Variants in SLC26A9 observed in about 807,000 individuals in gnomAD.
The protein encoded by SLC26A9 is anion transporter/exchanger protein 9.
SLC26A9 carries 46 observed loss-of-function variants against 87.1 expected under a neutral mutation model. The ratio of observed to expected loss-of-function variants is 0.53; its 90% confidence interval spans 0.42 to 0.67. The LOEUF is 0.67. Ranked by LOEUF, SLC26A9 falls within the 30% of genes least tolerant of loss-of-function variation. The probability of loss-of-function intolerance (pLI) is 0.00; values close to 1 mark genes in which losing one functional copy is unlikely to be tolerated. For missense variants in SLC26A9, 927 were observed against 1,018.3 expected (o/e 0.91, Z 1.22); for synonymous variants, 437 against 409.1 (o/e 1.07, Z -0.82).
chr1:205,917,973 T>G (rs151154019), intron 19 of SLC26A9, among the ~76,000 whole-genome samples: 1 of 152,330 alleles, frequency 6.6e-6, no homozygotes, highest in Non-Finnish European at 1.5e-5. Flanking sequence ...CCCCAGGGTT[T>G]CCCTCTAGGC....
At chr1:205,938,439 C>T (rs1022691982) in intron 1 of SLC26A9, among the ~76,000 whole-genome samples, 5 of 152,114 alleles carry the variant, frequency 3.3e-5, no homozygotes, top group Non-Finnish European at 7.4e-5. Context: ...CTCCCTGCTC[C>T]GAAACCTCTA....
rs749411664 is a variant in SLC26A9 at position 205,927,859 on chromosome 1, T to C, written c.1101+43A>G. The C allele has an allele frequency of 9.4e-6, 15 of 1,597,794 alleles. No individual in the cohort carries two copies. The South Asian group carries it at 1.3e-4, about 14-fold the overall frequency. ...CAAGATATGTCATGCCAGGCCTGAG[T>C]TGACCTGTCCTGCCCAGTCCTGCCG... On this transcript the variant is annotated intron_variant, in intron 9 of 20. Coordinates refer to ENST00000367135, the MANE Select transcript of SLC26A9 (RefSeq NM_052934.4).
At chr1:205,915,545 T>TGCGA in intron 20 of SLC26A9, 141 bp from the exon 21 acceptor site, 6 of 833,424 alleles carry the variant, frequency 7.2e-6, no homozygotes, top group African/African-American at 6.4e-5. Flanking sequence ...TGTGTGTGTG[T>TGCGA]GTGCGAGAGT....
At chr1:205,935,635 G>T in intron 2 of SLC26A9, 61 bp downstream of exon 2, 1 of 1,606,680 alleles carries the variant, frequency 6.2e-7, no homozygotes, top group South Asian at 1.1e-5. Context: ...CCGTGTCCTG[G>T]TGCAGAAAGG....
chr1:205,918,261 C>A (rs12757540), intron 19 of SLC26A9, among the ~76,000 whole-genome samples: 19,849 of 152,072 alleles, frequency 0.13, 1,530 homozygotes, highest in African/African-American at 0.19. Flanking sequence ...AGGAGGTAGG[C>A]TTTTTCTGAC....
chr1:205,935,725 T>C lies in SLC26A9; in HGVS notation c.96A>G (p.Pro32=). 1 of 1,614,068 alleles carries C rather than the reference T, an allele frequency of 6.2e-7. No homozygotes were observed. The highest frequency in any genetic ancestry group is 8.5e-7 in the Non-Finnish European group (1 of 1,179,952). The change falls in exon 2 of 21, where the codon CCA becomes CCG. Residue 32 remains proline, a synonymous_variant. Coordinates refer to ENST00000367135, the MANE Select transcript of SLC26A9 (RefSeq NM_052934.4). The part of the protein sequence containing the change: ...DEFEKKDRTY[P]VGEKLRNAFR... The stretch of plus-strand genomic sequence containing the variant: ...AGGCATTGCGAAGTTTCTCTCCCAC[T>C]GGGTATGTCCGGTCCTTCTTCTCAA...
At position 205,929,918 on chromosome 1, in the gene SLC26A9, A is replaced by G; in HGVS notation, c.691T>C (p.Tyr231His). 1 of 1,610,554 alleles carries G rather than the reference A, an allele frequency of 6.2e-7. No homozygotes were observed. Among genetic ancestry groups the G allele is most frequent in the South Asian group, 1.1e-5 (1 of 90,978 alleles). The stretch of plus-strand genomic sequence containing the variant: ...AAGACGATGGACCCTGGGCCTGTGT[A>G]GGAGGGGATGGTCAGTCCGAAGATG... ...KYIFGLTIPS[Y>H]TGPGSIVFTF... Residue 231 changes from tyrosine to histidine, a missense_variant, in exon 6 of 21, where the codon TAC becomes CAC. Coordinates refer to ENST00000367135, the MANE Select transcript of SLC26A9 (RefSeq NM_052934.4).
At chr1:205,921,488 G>A (rs1658824916) in intron 17 of SLC26A9, 78 bp downstream of exon 17, 1 of 1,497,086 alleles carries the variant, frequency 6.7e-7, no homozygotes, top group African/African-American at 1.4e-5. Flanking sequence ...CTGAAATGAG[G>A]GCTCCCAGGA....
chr1:205,934,953 G>C (rs2102599227), intron 2 of SLC26A9, among the ~76,000 whole-genome samples: 1 of 152,342 alleles, frequency 6.6e-6, no homozygotes, highest in South Asian at 2.1e-4. Context: ...CCTCAATCCA[G>C]GTAACTGAAT....
rs1558116630 is a variant in SLC26A9 at position 205,915,160 on chromosome 1, C to G, written c.*197G>C. 1.2e-6 allele frequency: 2 copies of G among 1,612,668 alleles called. No individual in the cohort carries two copies. Among genetic ancestry groups the G allele is most frequent in the African/African-American group, 1.3e-5 (1 of 74,992 alleles). ...ACTCTCACTCCTGTAAGGGTAGCACCCCCCTGCTGCTGAGAGGCTCTCTCT... is the reference window on the plus strand; with the variant it reads ...ACTCTCACTCCTGTAAGGGTAGCACGCCCCTGCTGCTGAGAGGCTCTCTCT... On this transcript the variant is annotated 3_prime_UTR_variant, in exon 21 of 21. Coordinates refer to ENST00000367135, the MANE Select transcript of SLC26A9 (RefSeq NM_052934.4).
intron 18 of SLC26A9, 45 bp downstream of exon 18, chr1:205,920,131 A>T (rs1180720164): frequency 1.2e-6 from 2 of 1,610,530 alleles, no homozygotes; most frequent in African/African-American, 2.7e-5. Flanking sequence ...CCTACCCCAC[A>T]CTCCTTGCCA....
rs140700535 is a variant in SLC26A9 at position 205,915,061 on chromosome 1, G to C, written c.*296C>G. On this transcript the variant is annotated 3_prime_UTR_variant, in exon 21 of 21. Coordinates refer to ENST00000367135, the MANE Select transcript of SLC26A9 (RefSeq NM_052934.4). ...TTCAGCTGCCAAGGACAGGGCAGAGGTGGGTGGGGTGGAGTGAGCAGGAGG... is the reference window on the plus strand; with the variant it reads ...TTCAGCTGCCAAGGACAGGGCAGAGCTGGGTGGGGTGGAGTGAGCAGGAGG... The C allele has an allele frequency of 3.1e-6, 5 of 1,614,086 alleles. No homozygotes were observed. The African/African-American group carries it at 5.3e-5, about 17-fold the overall frequency.
chr1:205,934,008 C>T (rs1231871161), intron 2 of SLC26A9, among the ~76,000 whole-genome samples: 1 of 152,160 alleles, frequency 6.6e-6, no homozygotes, highest in Admixed American at 6.5e-5. Flanking sequence ...AACTCAAATA[C>T]TTAGGGCCCA....
chr1:205,932,152 G>A (rs542974998), intron 4 of SLC26A9, 117 bp from the exon 5 acceptor site: 2 of 1,219,486 alleles, frequency 1.6e-6, no homozygotes, highest in Non-Finnish European at 2.3e-6. Flanking sequence ...CACCTCCAAG[G>A]CTCTTCTCCA....
chr1:205,931,321 G>A (rs1659293895), intron 5 of SLC26A9, among the ~76,000 whole-genome samples: 1 of 152,126 alleles, frequency 6.6e-6, no homozygotes, highest in African/African-American at 2.4e-5. Flanking sequence ...TCTTTTACAG[G>A]TTTAAAGCTC....
chr1:205,915,480 A>G, intron 20 of SLC26A9, 76 bp from the exon 21 acceptor site: 1 of 1,600,814 alleles, frequency 6.2e-7, no homozygotes, highest in Non-Finnish European at 8.5e-7. Flanking sequence ...GCTGCAACCA[A>G]GAGGTGACCC....
chr1:205,929,505 C>G, intron 6 of SLC26A9, 149 bp from the exon 7 acceptor site: 1 of 1,235,954 alleles, frequency 8.1e-7, no homozygotes. Flanking sequence ...AACCCTGTCC[C>G]GTCGCCCACC....
At chr1:205,931,467 T>TTTTTTTTTTTTTTTTG in intron 5 of SLC26A9, among the ~76,000 whole-genome samples, 1 of 41,802 alleles carries the variant, frequency 2.4e-5, no homozygotes, top group African/African-American at 6.9e-5. Context: ...CTAACTTGGT[T>TTTTTTTTTTTTTTTTG]TTTTTTTTTT....
In SLC26A9 at chr1:205,915,292, C is replaced by T. The variant is rs768072289; in HGVS notation, c.*65G>A. Reference sequence around the variant, plus strand: ...GCCCGACACCCCCTGTGACCCCAGGCTCATCCTTTATGGAAGTCCCAAGTG... The same window carrying T: ...GCCCGACACCCCCTGTGACCCCAGGTTCATCCTTTATGGAAGTCCCAAGTG... On this transcript the variant is annotated 3_prime_UTR_variant, in exon 21 of 21. Coordinates refer to ENST00000367135, the MANE Select transcript of SLC26A9 (RefSeq NM_052934.4). The T allele has an allele frequency of 4.0e-5, 65 of 1,611,492 alleles. No homozygotes were observed. The highest frequency in any genetic ancestry group is 5.5e-5 in the Non-Finnish European group (65 of 1,178,662).
Sources: allele counts gnomAD v4.1 joint callset (sites outside exome capture counted in the v4.1 genomes callset), GRCh38; gene constraint gnomAD v4.1.1; transcripts MANE v1.5; gene names NCBI Gene and HGNC (gene_info 2026-07-23, HGNC 2026-07-21).